Variants in TMEM108 observed in about 807,000 individuals in gnomAD.
The protein encoded by TMEM108 is cancer/testis antigen 124.
A neutral mutation model predicts 35.1 loss-of-function variants in TMEM108; 12 were observed. The ratio of observed to expected loss-of-function variants is 0.34; its 90% CI spans 0.22 to 0.55. The LOEUF (loss-of-function observed/expected upper bound fraction) is 0.55. Among genes scored for constraint, TMEM108 ranks in the 20% least tolerant of loss-of-function variants. The pLI is 0.89. For missense variants in TMEM108, 680 were observed against 753.3 expected, an observed-to-expected ratio of 0.90 and a Z score of 1.14; for synonymous variants, 287 against 308.6, an observed-to-expected ratio of 0.93 and a Z score of 0.73.
intron 3 of TMEM108, among the ~76,000 whole-genome samples, chr3:133,288,469 G>C (rs961627615): frequency 2.0e-5 from 3 of 152,064 alleles, no homozygotes; most frequent in Non-Finnish European, 4.4e-5. Context: ...GTTCTCCATG[G>C]GGGGGTGAAT....
intron 2 of TMEM108, among the ~76,000 whole-genome samples, chr3:133,190,481 T>G (rs1945483042): frequency 6.6e-6 from 1 of 152,202 alleles, no homozygotes; most frequent in Non-Finnish European, 1.5e-5. Context: ...AGGAGGTAAT[T>G]AAATTAATCT....
In TMEM108 at chr3:133,247,564, C is replaced by T. The variant is rs573079924; in HGVS notation, c.40+18213C>T. 7.9e-5 allele frequency: 12 copies of T among 151,832 alleles called. No homozygotes were observed. The South Asian group carries it at 2.3e-3, about 29-fold the overall frequency. 9.4% of individuals were successfully genotyped at this position (151,832 alleles called of 1,614,324 possible). A position where few individuals can be genotyped will look rare whatever the true frequency, so the allele number is the denominator to read the frequency against. On this transcript the variant is annotated intron_variant, in intron 3 of 5. Transcript: ENST00000321871. ...ATTAAGATGCCACCTGTCTCAGAGGCCAACCAGAAAATTTTGAAATCACCA... is the reference window on the plus strand; with the variant it reads ...ATTAAGATGCCACCTGTCTCAGAGGTCAACCAGAAAATTTTGAAATCACCA...
intron 2 of TMEM108, among the ~76,000 whole-genome samples, chr3:133,191,352 C>T (rs1211037420): frequency 6.6e-6 from 1 of 152,134 alleles, no homozygotes; most frequent in Non-Finnish European, 1.5e-5. Context: ...CAAACTTTCA[C>T]CTATGTTAGT....
chr3:133,190,504 A>G (rs1168987145), intron 2 of TMEM108, among the ~76,000 whole-genome samples: 1 of 152,210 alleles, frequency 6.6e-6, no homozygotes, highest in Non-Finnish European at 1.5e-5. Context: ...ATTGAATGTT[A>G]CTATCCTCTT....
At chr3:133,046,991 T>A (rs943444456) in intron 2 of TMEM108, among the ~76,000 whole-genome samples, 5 of 152,206 alleles carry the variant, frequency 3.3e-5, no homozygotes, top group African/African-American at 1.2e-4. Context: ...CGGGGCCTCA[T>A]GTGGCTCAGT....
At chr3:133,210,095 C>T (rs181699963) in intron 2 of TMEM108, among the ~76,000 whole-genome samples, 1 of 152,168 alleles carries the variant, frequency 6.6e-6, no homozygotes, top group Non-Finnish European at 1.5e-5. Context: ...ATATAACTTG[C>T]AAATGTGGTT....
At chr3:133,207,348 C>T (rs970756282) in intron 2 of TMEM108, among the ~76,000 whole-genome samples, 13 of 151,692 alleles carry the variant, frequency 8.6e-5, no homozygotes, top group Admixed American at 2.0e-4. Flanking sequence ...GAGCCAGGTA[C>T]TTTAGTTGGA....
At chr3:133,315,301 G>A (rs553545907) in intron 3 of TMEM108, among the ~76,000 whole-genome samples, 42 of 152,272 alleles carry the variant, frequency 2.8e-4, no homozygotes, top group African/African-American at 9.6e-4. Flanking sequence ...AAGAGAAGCC[G>A]CTCAGAGCTT....
intron 2 of TMEM108, among the ~76,000 whole-genome samples, chr3:133,188,120 A>T (rs537492284): frequency 3.9e-5 from 6 of 152,324 alleles, no homozygotes; most frequent in Non-Finnish European, 8.8e-5. Context: ...TTATTATTCA[A>T]AGCTGAGTTA....
At chr3:133,233,355 C>T (rs1162029321) in intron 3 of TMEM108, among the ~76,000 whole-genome samples, 2 of 149,134 alleles carry the variant, frequency 1.3e-5, no homozygotes, top group African/African-American at 4.9e-5. Context: ...CATGTCCCTA[C>T]AAAGGACATA....
intron 2 of TMEM108, among the ~76,000 whole-genome samples, chr3:133,122,840 G>A (rs1039917785): frequency 3.6e-5 from 5 of 138,514 alleles, no homozygotes; most frequent in Admixed American, 8.0e-5. Context: ...TCCAGCCTGG[G>A]CAACAGAGCG....
intron 2 of TMEM108, among the ~76,000 whole-genome samples, chr3:133,192,437 C>A (rs888119042): frequency 2.6e-5 from 4 of 151,850 alleles, no homozygotes; most frequent in Non-Finnish European, 5.9e-5. Context: ...GAAGTAATTG[C>A]CTAGGGAGAG....
At chr3:133,181,582 C>G (rs976640636) in intron 2 of TMEM108, among the ~76,000 whole-genome samples, 1 of 152,080 alleles carries the variant, frequency 6.6e-6, no homozygotes. Context: ...ATTGATTGCC[C>G]TCTTATGAAG....
chr3:133,369,237 A>G (rs1043516117), intron 3 of TMEM108, among the ~76,000 whole-genome samples: 27 of 152,160 alleles, frequency 1.8e-4, no homozygotes, highest in Admixed American at 1.4e-3. Context: ...CACCATTTCT[A>G]CCTGGGGAGT....
chr3:133,125,530 G>T (rs16840014), intron 2 of TMEM108, among the ~76,000 whole-genome samples: 9,605 of 152,172 alleles, frequency 0.063, 1,027 homozygotes, highest in African/African-American at 0.22. Context: ...CATGGATGCT[G>T]TTCTCATTTG....
chr3:133,142,424 C>A (rs957495004), intron 2 of TMEM108, among the ~76,000 whole-genome samples: 1 of 152,122 alleles, frequency 6.6e-6, no homozygotes, highest in Non-Finnish European at 1.5e-5. Context: ...ATGAGGAGAG[C>A]AGCTCAGCTG....
intron 2 of TMEM108, among the ~76,000 whole-genome samples, chr3:133,214,710 A>G (rs7639186): frequency 1.9e-3 from 296 of 152,284 alleles, no homozygotes; most frequent in African/African-American, 6.7e-3. Context: ...GTACCAGTCC[A>G]TGGCCTGTTA....
At chr3:133,074,237 T>C (rs1261872305) in intron 2 of TMEM108, 2 of 152,176 alleles carry the variant, frequency 1.3e-5, no homozygotes, top group Non-Finnish European at 2.9e-5. Context: ...TTTACTTAAA[T>C]ATTTATTTCC....
intron 2 of TMEM108, among the ~76,000 whole-genome samples, chr3:133,049,851 T>G (rs1011835476): frequency 6.6e-5 from 10 of 152,102 alleles, no homozygotes; most frequent in Admixed American, 4.6e-4. Context: ...ACTTCCAATT[T>G]CCAGCTTGGC....
Sources: allele counts gnomAD v4.1 joint callset (sites outside exome capture counted in the v4.1 genomes callset), GRCh38; gene constraint gnomAD v4.1.1; transcripts MANE v1.5; gene names NCBI Gene and HGNC (gene_info 2026-07-23, HGNC 2026-07-21).